The following CASK variants were observed in gnomAD, a reference collection of about 807,000 sequenced individuals.
CASK encodes calcium/calmodulin dependent serine protein kinase, also known as peripheral plasma membrane protein CASK.
Under a neutral mutation model 82.9 loss-of-function variants are expected in CASK, and 4 were observed. The ratio of observed to expected loss-of-function variants is 0.05; its 90% CI spans 0.02 to 0.11. CASK has a LOEUF of 0.11. Among genes scored for constraint, CASK ranks in the 10% least tolerant of loss-of-function variants. CASK has a pLI of 1.00. For missense variants in CASK, 358 were observed against 720.9 expected (o/e 0.50, Z 5.76); for synonymous variants, 259 against 253.5 (o/e 1.02, Z -0.20).
chrX:41,537,135 A>G (rs1230791329), intron 22 of CASK, among the ~76,000 whole-genome samples: 9 of 111,658 alleles, frequency 8.1e-5, no homozygotes, highest in African/African-American at 2.9e-4. Flanking sequence ...TAAAAAACAC[A>G]TAAGAATGAG....
chrX:41,742,032 T>C (rs982011126), intron 4 of CASK, among the ~76,000 whole-genome samples: 2 of 112,008 alleles, frequency 1.8e-5, no homozygotes, highest in Non-Finnish European at 1.9e-5. Flanking sequence ...TGATTCAGTC[T>C]GCTATTCTTG....
At chrX:41,691,947 T>A (rs1172459689) in intron 5 of CASK, among the ~76,000 whole-genome samples, 3 of 109,021 alleles carry the variant, frequency 2.8e-5, no homozygotes, top group Non-Finnish European at 3.8e-5. Flanking sequence ...GACAGGTTCA[T>A]GCTATGTTGC....
Position 41,696,811 on chromosome X carries a change from A to G in CASK, c.430-25281T>C, listed in dbSNP as rs757263490. 9 of 945,443 alleles carry G rather than the reference A, an allele frequency of 9.5e-6. No individual in the cohort carries two copies. In the African/African-American group the frequency reaches 1.8e-4, roughly 19 times the overall value. 77.9% of individuals were successfully genotyped at this position (945,443 alleles called of 1,213,427 possible). A position where few individuals can be genotyped will look rare whatever the true frequency, so the allele number is the denominator to read the frequency against. On this transcript the variant is annotated intron_variant, in intron 5 of 26. Coordinates refer to ENST00000378163, the MANE Select transcript of CASK (RefSeq NM_001367721.1). ...CATACTAAAATGAATTATATAATGCAGCCTCTTAATTCTTTGAAGAACTAA... is the reference window on the plus strand; with the variant it reads ...CATACTAAAATGAATTATATAATGCGGCCTCTTAATTCTTTGAAGAACTAA...
intron 1 of CASK, among the ~76,000 whole-genome samples, chrX:41,916,389 T>C (rs903986612): frequency 5.4e-5 from 6 of 111,880 alleles, no homozygotes; most frequent in African/African-American, 1.9e-4. Context: ...AATACCATAG[T>C]GGCTCCAGGA....
At chrX:41,674,114 C>T (rs143630994) in intron 5 of CASK, among the ~76,000 whole-genome samples, 11 of 110,386 alleles carry the variant, frequency 1.0e-4, no homozygotes, top group South Asian at 3.9e-4. Flanking sequence ...CAGACAATGA[C>T]AAACCATTCA....
chrX:41,681,923 G>C (rs1044221238), intron 5 of CASK, among the ~76,000 whole-genome samples: 1 of 108,253 alleles, frequency 9.2e-6, no homozygotes, highest in Non-Finnish European at 1.9e-5. Flanking sequence ...TCCAGCCTGG[G>C]TGATAAGAGC....
intron 5 of CASK, among the ~76,000 whole-genome samples, chrX:41,716,508 A>C (rs1302134806): frequency 8.9e-6 from 1 of 112,320 alleles, no homozygotes; most frequent in African/African-American, 3.2e-5. Flanking sequence ...TTTCTTGCTA[A>C]GGGAGGAGTA....
intron 2 of CASK, among the ~76,000 whole-genome samples, chrX:41,830,292 GC>G (rs1370089686): frequency 1.8e-4 from 20 of 110,692 alleles, no homozygotes; most frequent in Non-Finnish European, 2.5e-4. Flanking sequence ...GAGCCACTGT[GC>G]CCAGCCTCTG....
intron 9 of CASK, among the ~76,000 whole-genome samples, chrX:41,628,344 C>A (rs2066414105): frequency 1.8e-5 from 2 of 112,216 alleles, no homozygotes; most frequent in Non-Finnish European, 3.8e-5. Flanking sequence ...CGCTCTGTTG[C>A]CCAGGCTGGA....
At chrX:41,878,245 G>A (rs1024471202) in intron 1 of CASK, among the ~76,000 whole-genome samples, 8 of 110,361 alleles carry the variant, frequency 7.2e-5, no homozygotes, top group African/African-American at 2.3e-4. Context: ...AGTAAACTAT[G>A]TGTGTATTTA....
chrX:41,681,194 T>TA (rs1194360716), intron 5 of CASK, among the ~76,000 whole-genome samples: 4 of 111,840 alleles, frequency 3.6e-5, no homozygotes, highest in Non-Finnish European at 7.5e-5. Context: ...ACTTCTGGAA[T>TA]AAAAAATTAA....
intron 1 of CASK, among the ~76,000 whole-genome samples, chrX:41,874,636 A>G (rs1244319243): frequency 3.6e-5 from 4 of 112,495 alleles, no homozygotes; most frequent in Non-Finnish European, 7.5e-5. Context: ...CAATACAAAC[A>G]ATCCAAAGTA....
At position 41,700,908 on chromosome X, in the gene CASK, G is replaced by A. The variant is rs189581009; in HGVS notation, c.430-29378C>T. The stretch of plus-strand genomic sequence containing the variant: ...GATTGCACCACTGCACTCCAACCTG[G>A]GCGACAGAGTGAGACTCCGTCTCAA... On this transcript the variant is annotated intron_variant, in intron 5 of 26. Coordinates refer to ENST00000378163, the MANE Select transcript of CASK (RefSeq NM_001367721.1). Among the ~76,000 whole-genome samples the A allele has an allele frequency of 5.7e-3, 455 of 79,862 alleles. 2 individuals are homozygous for A. Among genetic ancestry groups the A allele is most frequent in the Non-Finnish European group, 9.0e-3 (402 of 44,436 alleles). The allele number at this position is 79,862 out of a possible 115,157, so 69.4% of individuals were successfully genotyped here. A position where few individuals can be genotyped will look rare whatever the true frequency, so the allele number is the denominator to read the frequency against.
intron 1 of CASK, among the ~76,000 whole-genome samples, chrX:41,873,813 A>G (rs2071756040): frequency 1.1e-5 from 1 of 93,290 alleles, no homozygotes; most frequent in Non-Finnish European, 2.1e-5. Flanking sequence ...TTTTGGAGAC[A>G]GAGTCTCGCT....
intron 3 of CASK, among the ~76,000 whole-genome samples, chrX:41,769,095 C>T (rs1326799711): frequency 9.1e-6 from 1 of 110,267 alleles, no homozygotes; most frequent in East Asian, 2.8e-4. Flanking sequence ...AAATACATTG[C>T]TAGAGTTCTG....
intron 2 of CASK, among the ~76,000 whole-genome samples, chrX:41,826,040 T>C (rs1053003606): frequency 5.3e-5 from 6 of 112,273 alleles, no homozygotes; most frequent in African/African-American, 9.7e-5. Flanking sequence ...AATGAGGACA[T>C]TGGATCCTCT....
intron 2 of CASK, among the ~76,000 whole-genome samples, chrX:41,836,051 A>G (rs769507856): frequency 1.8e-5 from 2 of 112,071 alleles, no homozygotes; most frequent in South Asian, 7.4e-4. Flanking sequence ...ACACAAAACC[A>G]TTAGGAAAAA....
At chrX:41,727,598 A>C in intron 5 of CASK, 1 of 1,206,774 alleles carries the variant, frequency 8.3e-7, no homozygotes, top group East Asian at 3.0e-5. Flanking sequence ...TACAATCGGC[A>C]GATGGAACTA....
chrX:41,789,332 G>A (rs2069672128), intron 2 of CASK, among the ~76,000 whole-genome samples: 1 of 111,594 alleles, frequency 9.0e-6, no homozygotes, highest in Non-Finnish European at 1.9e-5. Context: ...TGTGGTACCT[G>A]CAGAGTCTAC....
Sources: gnomAD v4.1 joint callset for allele counts (sites outside exome capture counted in the v4.1 genomes callset) on GRCh38, gnomAD v4.1.1 for gene constraint, MANE v1.5 for transcripts, NCBI Gene and HGNC (gene_info 2026-07-23, HGNC 2026-07-21) for gene names.